The following BCOR variants were observed in gnomAD, a reference collection of about 807,000 sequenced individuals.
BCOR encodes BCL6 corepressor.
Under a neutral mutation model 86.7 loss-of-function variants are expected in BCOR, and 10 were observed. The observed-to-expected ratio is 0.12, with a 90% CI of 0.07 to 0.20. The LOEUF is 0.20. Among genes scored for constraint, BCOR ranks in the 10% least tolerant of loss-of-function variants. The probability of loss-of-function intolerance (pLI) is 1.00; values close to 1 mark genes in which losing one functional copy is unlikely to be tolerated. For synonymous variants in BCOR, 611 were observed against 609.0 expected (o/e 1.00, Z -0.05); for missense variants, 1,259 against 1,452.1 (o/e 0.87, Z 2.16).
At chrX:40,090,225 CCG>C (rs1936539213) in intron 1 of BCOR, among the ~76,000 whole-genome samples, 1 of 113,106 alleles carries the variant, frequency 8.8e-6, no homozygotes, top group Non-Finnish European at 1.9e-5. Flanking sequence ...CGAAATGGCT[CCG>C]CAGTGCGACC....
At chrX:40,132,446 A>G (rs1411882956) in intron 1 of BCOR, among the ~76,000 whole-genome samples, 1 of 110,451 alleles carries the variant, frequency 9.1e-6, no homozygotes, top group Non-Finnish European at 1.9e-5. Context: ...TCTCACCCTA[A>G]TTTTTGTATT....
At chrX:40,174,407 T>A (rs999114002) in intron 1 of BCOR, among the ~76,000 whole-genome samples, 2 of 112,088 alleles carry the variant, frequency 1.8e-5, no homozygotes, top group African/African-American at 6.5e-5. Context: ...AGAATTCCAG[T>A]TCTCGAGCGC....
intron 1 of BCOR, chrX:40,146,714 C>T (rs971726146): frequency 1.1e-4 from 12 of 112,394 alleles, no homozygotes; most frequent in African/African-American, 3.9e-4. Flanking sequence ...CCGTGGCCTC[C>T]CTAGGCCCTG....
intron 1 of BCOR, among the ~76,000 whole-genome samples, chrX:40,132,912 G>C: frequency 8.9e-6 from 1 of 112,179 alleles, no homozygotes. Context: ...CCCAGGCCTA[G>C]TGAGTCAGTA....
chrX:40,106,533 C>T (rs1937190022), intron 1 of BCOR, among the ~76,000 whole-genome samples: 1 of 110,950 alleles, frequency 9.0e-6, no homozygotes, highest in South Asian at 3.7e-4. Flanking sequence ...GCGCCCCTCC[C>T]CCGCCCGCGC....
chrX:40,143,591 G>A (rs1357639672), intron 1 of BCOR, among the ~76,000 whole-genome samples: 3 of 112,622 alleles, frequency 2.7e-5, no homozygotes, highest in African/African-American at 9.7e-5. Context: ...AGGCCAAAGG[G>A]GAACAAAAAA....
intron 1 of BCOR, among the ~76,000 whole-genome samples, chrX:40,111,231 C>G (rs1180523421): frequency 9.0e-6 from 1 of 111,455 alleles, no homozygotes; most frequent in Non-Finnish European, 1.9e-5. Context: ...CCCTCACCCC[C>G]CATACCCTTT....
At chrX:40,054,841 G>A (rs1368908458) in intron 12 of BCOR, among the ~76,000 whole-genome samples, 1 of 112,553 alleles carries the variant, frequency 8.9e-6, no homozygotes, top group Non-Finnish European at 1.9e-5. Context: ...TAACTAAGCT[G>A]CTTCTTCCAA....
In BCOR at chrX:40,064,514, C is replaced by T; in HGVS notation, c.3324G>A (p.Glu1108=). 1 of 1,212,269 alleles carries T rather than the reference C, an allele frequency of 8.2e-7. No homozygotes were observed. The highest frequency in any genetic ancestry group is 1.1e-6 in the Non-Finnish European group (1 of 895,587). ...CGGGAGGCTCGCTCACAGGCTGCCT[C>T]TCCACAAAGTACTTCTCCACAGGAA... The part of the protein sequence containing the change: ...KDLPVEKYFV[E]RQPVSEPPAD... The change falls in exon 7 of 15, where the codon GAG becomes GAA. Residue 1108 remains glutamate (E), a synonymous_variant. Transcript: ENST00000378444.
chrX:40,119,013 A>G (rs1937440576), intron 1 of BCOR, among the ~76,000 whole-genome samples: 1 of 111,687 alleles, frequency 9.0e-6, no homozygotes, highest in South Asian at 3.7e-4. Flanking sequence ...TTGTATTTTT[A>G]GTAGAGACAG....
intron 1 of BCOR, among the ~76,000 whole-genome samples, chrX:40,150,233 T>C (rs1158590560): frequency 1.8e-5 from 2 of 112,130 alleles, no homozygotes; most frequent in Admixed American, 1.9e-4. Flanking sequence ...GAGGATTCAG[T>C]TTTTTTCCAC....
chrX:40,054,104 TCAA>T (rs1934466118), intron 13 of BCOR, 62 bp from the exon 14 acceptor site: 12 of 1,161,036 alleles, frequency 1.0e-5, no homozygotes, highest in South Asian at 5.5e-5. Flanking sequence ...TCCACAGTTG[TCAA>T]CAACAACAAG....
At chrX:40,125,329 A>G (rs5917934) in intron 1 of BCOR, among the ~76,000 whole-genome samples, 21,715 of 110,591 alleles carry the variant, frequency 0.2, 3,022 homozygotes, top group African/African-American at 0.49. Context: ...TGTCTCCTGG[A>G]TTCAAGTGAT....
intron 1 of BCOR, among the ~76,000 whole-genome samples, chrX:40,125,909 C>A (rs1048708031): frequency 9.0e-6 from 1 of 111,423 alleles, no homozygotes; most frequent in African/African-American, 3.3e-5. Flanking sequence ...GAAGAAGTCA[C>A]TAAAGAATCA....
Position 40,159,971 on chromosome X carries a change from A to C in BCOR, c.-41+17036T>G, listed in dbSNP as rs1332624816. Among the ~76,000 whole-genome samples the C allele has an allele frequency of 1.1e-4, 12 of 112,855 alleles. No homozygotes were observed. In the Admixed American group the frequency reaches 1.1e-3, roughly 11 times the overall value. On this transcript the variant is annotated intron_variant, in intron 1 of 14. Coordinates refer to the BCOR transcript ENST00000342274. ...CTCATTTGGCTCAGCAATGAATGATATATATGTGGTTACAAAGTAAACACT... is the reference window on the plus strand; with the variant it reads ...CTCATTTGGCTCAGCAATGAATGATCTATATGTGGTTACAAAGTAAACACT...
At chrX:40,099,366 C>A (rs1937028087), upstream of BCOR, among the ~76,000 whole-genome samples, 1 of 111,586 alleles carries the variant, frequency 9.0e-6, no homozygotes, top group Admixed American at 9.3e-5. Context: ...TCCGGACTAA[C>A]CGCGCCCAGA....
At chrX:40,175,483 G>A (rs1938725821) in intron 1 of BCOR, among the ~76,000 whole-genome samples, 1 of 113,479 alleles carries the variant, frequency 8.8e-6, no homozygotes, top group Non-Finnish European at 1.9e-5. Flanking sequence ...GAAAGTGTGT[G>A]CGCACACGAG....
intron 1 of BCOR, among the ~76,000 whole-genome samples, chrX:40,079,615 T>C (rs1935983265): frequency 8.9e-6 from 1 of 112,084 alleles, no homozygotes; most frequent in Non-Finnish European, 1.9e-5. Flanking sequence ...GGCAGAAATC[T>C]GCAGAGGCAT....
chrX:40,144,110 G>C (rs1257135667), intron 1 of BCOR, among the ~76,000 whole-genome samples: 1 of 30 alleles, frequency 0.033, no homozygotes, highest in African/African-American at 0.091. Flanking sequence ...GGAACCTGCA[G>C]GAGACTGCAG....
Sources: allele counts gnomAD v4.1 joint callset (sites outside exome capture counted in the v4.1 genomes callset), GRCh38; gene constraint gnomAD v4.1.1; transcripts MANE v1.5; gene names NCBI Gene and HGNC (gene_info 2026-07-23, HGNC 2026-07-21).